Variants in TEAD1 observed in about 807,000 individuals in gnomAD.
The protein encoded by TEAD1 is TEA domain transcription factor 1.
A neutral mutation model predicts 54.9 loss-of-function variants in TEAD1; 9 were observed. That is an observed-to-expected ratio of 0.16 (90% CI 0.10 to 0.29). The LOEUF (loss-of-function observed/expected upper bound fraction) is 0.29. TEAD1 is among the 10% of genes least tolerant of loss of function. The pLI is 1.00. For synonymous variants in TEAD1, 200 were observed against 187.8 expected, an observed-to-expected ratio of 1.07 and a Z score of -0.53; for missense variants, 387 against 535.9, an observed-to-expected ratio of 0.72 and a Z score of 2.74.
At chr11:12,805,474 A>G (rs1946150342) in intron 3 of TEAD1, among the ~76,000 whole-genome samples, 1 of 152,230 alleles carries the variant, frequency 6.6e-6, no homozygotes, top group Admixed American at 6.5e-5. Context: ...CAAACCTAGA[A>G]GTAAAGATCA....
chr11:12,877,879 C>T (rs974821561), intron 5 of TEAD1, among the ~76,000 whole-genome samples: 1 of 151,316 alleles, frequency 6.6e-6, no homozygotes, highest in Non-Finnish European at 1.5e-5. Context: ...CTCATTGCAG[C>T]CTTGACCTCC....
Position 12,889,000 on chromosome 11 carries a change from T to C in TEAD1, c.699+5875T>C, listed in dbSNP as rs199949858. 1.6e-4 allele frequency among the ~76,000 whole-genome samples: 25 copies of C among 152,254 alleles called. No individual in the cohort carries two copies. In the East Asian group the frequency reaches 4.8e-3, roughly 29 times the overall value. ...AAACCAGACGGCAGCTTCCCCAAGT[T>C]GGTGGTGGTTTATGTTGGAGGAGAA... On this transcript the variant is annotated intron_variant, in intron 9 of 12. Coordinates refer to ENST00000527636, the MANE Select transcript of TEAD1 (RefSeq NM_021961.6).
At chr11:12,691,570 A>T (rs1774458574) in intron 2 of TEAD1, among the ~76,000 whole-genome samples, 1 of 152,134 alleles carries the variant, frequency 6.6e-6, no homozygotes. Context: ...CTCATTTGCC[A>T]CTTTCATGCT....
intron 3 of TEAD1, among the ~76,000 whole-genome samples, chr11:12,784,340 C>A (rs1408728764): frequency 6.6e-6 from 1 of 152,080 alleles, no homozygotes; most frequent in Non-Finnish European, 1.5e-5. Flanking sequence ...TGGGGCACTT[C>A]ATGGGGAGGG....
chr11:12,740,088 G>A (rs952274560), intron 2 of TEAD1, among the ~76,000 whole-genome samples: 2 of 152,154 alleles, frequency 1.3e-5, no homozygotes, highest in African/African-American at 4.8e-5. Context: ...TGGGAGTCTT[G>A]TCTGTACACA....
intron 3 of TEAD1, among the ~76,000 whole-genome samples, chr11:12,768,326 C>A (rs768423524): frequency 2.0e-5 from 3 of 152,174 alleles, no homozygotes. Context: ...TAATTGTTAT[C>A]TGGAACACCA....
chr11:12,700,389 A>T (rs1943673494), intron 2 of TEAD1, among the ~76,000 whole-genome samples: 1 of 152,234 alleles, frequency 6.6e-6, no homozygotes, highest in South Asian at 2.1e-4. Context: ...TGTGCACTTT[A>T]TGGACAGGAA....
chr11:12,771,417 A>T (rs1321220697), intron 3 of TEAD1, among the ~76,000 whole-genome samples: 2 of 152,232 alleles, frequency 1.3e-5, no homozygotes, highest in East Asian at 3.9e-4. Flanking sequence ...ACTAGGATGC[A>T]GGCGGTGCTG....
At chr11:12,880,953 T>G in intron 6 of TEAD1, 52 bp from the exon 7 acceptor site, 2 of 1,606,456 alleles carry the variant, frequency 1.2e-6, no homozygotes, top group Non-Finnish European at 1.7e-6. Context: ...CATCCTAAAC[T>G]GTGCTTTGAA....
intron 5 of TEAD1, among the ~76,000 whole-genome samples, chr11:12,878,680 T>C (rs1051939051): frequency 3.9e-5 from 6 of 152,076 alleles, no homozygotes; most frequent in Non-Finnish European, 1.5e-5. Context: ...TCATTGCCTT[T>C]CTAGATAGCC....
At chr11:12,742,182 C>T (rs968693549) in intron 2 of TEAD1, among the ~76,000 whole-genome samples, 2 of 152,190 alleles carry the variant, frequency 1.3e-5, no homozygotes, top group Admixed American at 6.5e-5. Flanking sequence ...CTCACAAATA[C>T]ATTTAGACTT....
intron 2 of TEAD1, among the ~76,000 whole-genome samples, chr11:12,719,969 T>TGGTGGGGACCTAGCCA (rs1944154199): frequency 1.5e-5 from 1 of 68,816 alleles, no homozygotes; most frequent in African/African-American, 6.1e-5. Flanking sequence ...TTTTTTTTTT[T>TGGTGGGGACCTAGCCA]TTTTTTTTTT....
At chr11:12,896,486 A>G (rs937991123) in intron 9 of TEAD1, among the ~76,000 whole-genome samples, 4 of 152,174 alleles carry the variant, frequency 2.6e-5, no homozygotes, top group Non-Finnish European at 2.9e-5. Context: ...AGAGTATTCT[A>G]CTTTCATGTG....
chr11:12,795,350 A>G (rs1945893063), intron 3 of TEAD1, among the ~76,000 whole-genome samples: 1 of 152,204 alleles, frequency 6.6e-6, no homozygotes, highest in Admixed American at 6.5e-5. Flanking sequence ...ATCTTCAATG[A>G]CACCATCTCT....
intron 3 of TEAD1, among the ~76,000 whole-genome samples, chr11:12,845,382 G>A (rs921752616): frequency 1.3e-5 from 2 of 152,158 alleles, no homozygotes; most frequent in Non-Finnish European, 2.9e-5. Context: ...AAGCACTATC[G>A]TGTGTGTGTG....
chr11:12,823,751 T>TC (rs1946597934), intron 3 of TEAD1: 1 of 152,184 alleles, frequency 6.6e-6, no homozygotes, highest in East Asian at 1.9e-4. Context: ...GATTTTTTTG[T>TC]CCAAAATCCC....
At chr11:12,859,916 T>G (rs923583540) in intron 3 of TEAD1, among the ~76,000 whole-genome samples, 2 of 152,198 alleles carry the variant, frequency 1.3e-5, no homozygotes, top group Admixed American at 1.3e-4. Context: ...CTTAAAAATT[T>G]AATGCAGTGT....
intron 3 of TEAD1, among the ~76,000 whole-genome samples, chr11:12,844,693 G>T (rs1444913747): frequency 6.6e-6 from 1 of 152,014 alleles, no homozygotes. Context: ...CTGCTAAATT[G>T]GATTTGTTAC....
intron 2 of TEAD1, among the ~76,000 whole-genome samples, chr11:12,747,143 A>G (rs1488153798): frequency 6.6e-6 from 1 of 152,128 alleles, no homozygotes; most frequent in East Asian, 1.9e-4. Context: ...TTTCTTAAGA[A>G]TCATCAAAAT....
Sources: allele counts gnomAD v4.1 joint callset (sites outside exome capture counted in the v4.1 genomes callset), GRCh38; gene constraint gnomAD v4.1.1; transcripts MANE v1.5; gene names NCBI Gene and HGNC (gene_info 2026-07-23, HGNC 2026-07-21).